Variants in NYAP2 observed in about 807,000 individuals in gnomAD.
NYAP2 encodes neuronal tyrosine-phosphorylated phosphoinositide-3-kinase adaptor 2.
Under a neutral mutation model 50.4 loss-of-function variants are expected in NYAP2, and 23 were observed. The ratio of observed to expected loss-of-function variants is 0.46; its 90% CI spans 0.33 to 0.65. The LOEUF (loss-of-function observed/expected upper bound fraction) is 0.65. Among genes scored for constraint, NYAP2 ranks in the 30% least tolerant of loss-of-function variants. NYAP2 has a pLI of 0.02. For missense variants in NYAP2, 885 were observed against 861.0 expected (o/e 1.03, Z -0.35); for synonymous variants, 394 against 365.2 (o/e 1.08, Z -0.90).
chr2:225,667,672 G>A, the NYAP2 span, among the ~76,000 whole-genome samples: 4 of 152,110 alleles, frequency 2.6e-5, no homozygotes, highest in Admixed American at 1.3e-4. Context: ...TTGTAGAAGA[G>A]AGCCCTTCCC....
intron 3 of NYAP2, among the ~76,000 whole-genome samples, chr2:225,502,796 T>C (rs979610946): frequency 6.6e-6 from 1 of 152,170 alleles, no homozygotes; most frequent in Non-Finnish European, 1.5e-5. Context: ...CTTATACTTC[T>C]TGTGAGAGAA....
At chr2:225,588,332 T>G (rs889511534) in intron 5 of NYAP2, among the ~76,000 whole-genome samples, 15 of 151,998 alleles carry the variant, frequency 9.9e-5, no homozygotes, top group African/African-American at 3.4e-4. Context: ...CATCTTTGCC[T>G]TTTCATTGAC....
intron 2 of NYAP2, among the ~76,000 whole-genome samples, chr2:225,404,920 G>A (rs1694915201): frequency 6.6e-6 from 1 of 151,934 alleles, no homozygotes; most frequent in African/African-American, 2.4e-5. Flanking sequence ...GTGATTTTAG[G>A]TGCCTTCCCA....
chr2:225,584,373 T>C (rs1574693558), intron 5 of NYAP2, among the ~76,000 whole-genome samples: 1 of 152,350 alleles, frequency 6.6e-6, no homozygotes, highest in Non-Finnish European at 1.5e-5. Context: ...TCTATCTGAA[T>C]GACTAACACC....
At chr2:225,516,805 A>G (rs771907449) in intron 4 of NYAP2, among the ~76,000 whole-genome samples, 1 of 152,340 alleles carries the variant, frequency 6.6e-6, no homozygotes, top group East Asian at 1.9e-4. Flanking sequence ...ATTACAGAGC[A>G]TATGTTTTCT....
intron 5 of NYAP2, among the ~76,000 whole-genome samples, chr2:225,604,376 G>A (rs542917862): frequency 2.0e-5 from 3 of 152,144 alleles, no homozygotes; most frequent in South Asian, 2.1e-4. Flanking sequence ...TAAATCATGC[G>A]TTACAGCTGG....
intron 4 of NYAP2, among the ~76,000 whole-genome samples, chr2:225,522,106 G>C (rs1691072020): frequency 6.6e-6 from 1 of 151,956 alleles, no homozygotes; most frequent in Non-Finnish European, 1.5e-5. Flanking sequence ...TATTTCTGTG[G>C]GATCAGTGGT....
intron 3 of NYAP2, among the ~76,000 whole-genome samples, chr2:225,474,935 T>A (rs1336459044): frequency 1.3e-5 from 2 of 152,232 alleles, no homozygotes; most frequent in Non-Finnish European, 2.9e-5. Flanking sequence ...TGTTATTTTC[T>A]GAATATATGT....
At chr2:225,547,206 C>T (rs1691600041) in intron 4 of NYAP2, among the ~76,000 whole-genome samples, 1 of 152,192 alleles carries the variant, frequency 6.6e-6, no homozygotes, top group East Asian at 1.9e-4. Flanking sequence ...CATTTCTGGA[C>T]CTACCCTGGG....
exon 7 of NYAP2, chr2:225,653,354 C>T (rs555512710): frequency 2.0e-4 from 31 of 152,310 alleles, no homozygotes; most frequent in African/African-American, 7.5e-4. Context: ...TTCAAACTCT[C>T]AATGAAAGCA....
At chr2:225,493,290 A>G (rs949000199) in intron 3 of NYAP2, among the ~76,000 whole-genome samples, 11 of 152,180 alleles carry the variant, frequency 7.2e-5, no homozygotes, top group Non-Finnish European at 2.9e-5. Context: ...CCTGGCACAT[A>G]GCAACTTTTA....
intron 3 of NYAP2, among the ~76,000 whole-genome samples, chr2:225,508,116 T>A (rs1463607987): frequency 6.6e-6 from 1 of 152,242 alleles, no homozygotes; most frequent in African/African-American, 2.4e-5. Context: ...TCTCACAACA[T>A]TGCCTTCATT....
At chr2:225,570,096 G>A (rs1017522465) in intron 4 of NYAP2, among the ~76,000 whole-genome samples, 5 of 152,174 alleles carry the variant, frequency 3.3e-5, no homozygotes, top group African/African-American at 1.2e-4. Context: ...AGAGTGATTT[G>A]GAAACAAGCT....
chr2:225,624,043 C>A (rs1693167882), intron 5 of NYAP2, among the ~76,000 whole-genome samples: 2 of 152,110 alleles, frequency 1.3e-5, no homozygotes, highest in South Asian at 4.1e-4. Context: ...AAAGGTTTTT[C>A]TTTACTGCAA....
chr2:225,467,021 T>C lies in NYAP2; in HGVS notation c.222-46350T>C, dbSNP rs939341999. Among the ~76,000 whole-genome samples the C allele has an allele frequency of 2.0e-5, 3 of 152,302 alleles. No homozygotes were observed. In the East Asian group the frequency reaches 5.8e-4, roughly 29 times the overall value. On this transcript the variant is annotated intron_variant, in intron 3 of 6. Transcript: ENST00000636099. Reference sequence around the variant, plus strand: ...CAAATGTGCTGTTTGACCTTTTGACTTGGGGTTTTCTACGTTGGCATACTT... The same window carrying C: ...CAAATGTGCTGTTTGACCTTTTGACCTGGGGTTTTCTACGTTGGCATACTT...
the NYAP2 span, among the ~76,000 whole-genome samples, chr2:225,687,985 A>G: frequency 6.6e-6 from 1 of 152,206 alleles, no homozygotes; most frequent in Admixed American, 6.5e-5. Context: ...GACCCACCTT[A>G]TCTAGAATTA....
upstream of NYAP2, among the ~76,000 whole-genome samples, chr2:225,398,395 A>G (rs1025624574): frequency 8.5e-5 from 13 of 152,054 alleles, no homozygotes; most frequent in African/African-American, 2.7e-4. Flanking sequence ...ATCAGTCATG[A>G]TAAAGTGTTT....
intron 4 of NYAP2, among the ~76,000 whole-genome samples, chr2:225,542,079 G>T (rs887021788): frequency 1.3e-5 from 2 of 151,920 alleles, no homozygotes; most frequent in African/African-American, 4.8e-5. Context: ...CAGATTGTTT[G>T]CTATTGGCAT....
At chr2:225,460,850 G>A (rs1043691845) in intron 3 of NYAP2, among the ~76,000 whole-genome samples, 4 of 151,848 alleles carry the variant, frequency 2.6e-5, no homozygotes, top group East Asian at 3.9e-4. Context: ...CAAATTAGCC[G>A]GGCATGGTGG....
Sources: allele counts gnomAD v4.1 joint callset (sites outside exome capture counted in the v4.1 genomes callset), GRCh38; gene constraint gnomAD v4.1.1; transcripts MANE v1.5; gene names NCBI Gene and HGNC (gene_info 2026-07-23, HGNC 2026-07-21).